The following STX3 variants were observed in gnomAD, a reference collection of about 807,000 sequenced individuals.
STX3 encodes the protein syntaxin-3.
STX3 carries 19 observed loss-of-function variants against 40.2 expected under a neutral mutation model. The observed-to-expected ratio is 0.47, with a 90% CI of 0.33 to 0.69. The LOEUF (loss-of-function observed/expected upper bound fraction) is 0.69, where lower values mean the gene tolerates loss of function less well. STX3 is among the 30% of genes least tolerant of loss of function. STX3 has a pLI of 0.02. For synonymous variants in STX3, 122 were observed against 132.2 expected, an observed-to-expected ratio of 0.92 and a Z score of 0.53; for missense variants, 364 against 366.7, an observed-to-expected ratio of 0.99 and a Z score of 0.06.
intron 2 of STX3, among the ~76,000 whole-genome samples, chr11:59,777,493 A>G (rs1166765606): frequency 2.0e-5 from 3 of 152,242 alleles, no homozygotes; most frequent in African/African-American, 7.2e-5. Context: ...CCTGAAATGG[A>G]AAGACCAGCA....
Position 59,797,374 on chromosome 11 carries a change from C to T in STX3, c.*8C>T, listed in dbSNP as rs1865588166. 4 of 1,613,900 alleles carry T rather than the reference C, an allele frequency of 2.5e-6. No homozygotes were observed. The highest frequency in any genetic ancestry group is 2.5e-6 in the Non-Finnish European group (3 of 1,179,962). On this transcript the variant is annotated 3_prime_UTR_variant, in exon 10 of 11. Coordinates refer to ENST00000337979, the MANE Select transcript of STX3 (RefSeq NM_004177.5). ...TCCGTTGGGCTGAATTAAGAGTGGC[C>T]TAAGAGGCTGCTGCACTGAAATGTA...
rs1373834324 is a variant in STX3 at position 59,805,008 on chromosome 11, C to T, written c.*4184C>T. ...ACTGACCAACATAGTGAAACCCCCT[C>T]TCTACAAAAAATACAAAAATTAGCC... On this transcript the variant is annotated 3_prime_UTR_variant, in exon 11 of 11. Coordinates refer to ENST00000337979, the MANE Select transcript of STX3 (RefSeq NM_004177.5). The T allele has an allele frequency of 6.6e-6, 1 of 152,070 alleles. No homozygotes were observed. The highest frequency in any genetic ancestry group is 1.5e-5 in the Non-Finnish European group (1 of 68,044). 9.4% of individuals were successfully genotyped at this position (152,070 alleles called of 1,614,324 possible). A position where few individuals can be genotyped will look rare whatever the true frequency, so the allele number is the denominator to read the frequency against.
At chr11:59,800,711 AC>A in intron 10 of STX3, 143 bp from the exon 11 acceptor site, 1 of 1,460,324 alleles carries the variant, frequency 6.8e-7, no homozygotes, top group South Asian at 1.4e-5. Context: ...GGGATATTTA[AC>A]TCCAAGTTCT....
At chr11:59,781,100 T>TTTTTTTTTTTTTTTTTTTTTTTATATA (rs963410109) in intron 2 of STX3, among the ~76,000 whole-genome samples, 2 of 146,308 alleles carry the variant, frequency 1.4e-5, no homozygotes, top group African/African-American at 5.2e-5. Flanking sequence ...TTTTTTTTTT[T>TTTTTTTTTTTTTTTTTTTTTTTATATA]TATATTAGCA....
intron 10 of STX3, chr11:59,800,602 C>T (rs1865833165): frequency 1.0e-6 from 1 of 985,296 alleles, no homozygotes; most frequent in Admixed American, 6.1e-5. Context: ...CCACGTCCTT[C>T]CATGGGTGTG....
chr11:59,786,541 C>T (rs1475675936), intron 2 of STX3, among the ~76,000 whole-genome samples: 2 of 151,964 alleles, frequency 1.3e-5, no homozygotes, highest in African/African-American at 4.8e-5. Flanking sequence ...TGAACCACCG[C>T]GCCTGGCCTA....
chr11:59,799,091 T>C (rs1865715191), intron 10 of STX3, among the ~76,000 whole-genome samples: 1 of 152,074 alleles, frequency 6.6e-6, no homozygotes, highest in Non-Finnish European at 1.5e-5. Flanking sequence ...AGTTTTGCCA[T>C]GTCACCCAGG....
intron 2 of STX3, among the ~76,000 whole-genome samples, chr11:59,785,367 G>A (rs1332711558): frequency 2.0e-5 from 3 of 151,714 alleles, no homozygotes; most frequent in Non-Finnish European, 4.4e-5. Context: ...GTCTCACTCC[G>A]TTGCTCAGGC....
intron 10 of STX3, chr11:59,799,999 G>A (rs778378631): frequency 4.4e-5 from 43 of 985,282 alleles, no homozygotes; most frequent in Non-Finnish European, 5.1e-5. Flanking sequence ...AATTTGTGGT[G>A]CCCCTTTCTA....
chr11:59,759,651 C>T (rs1043234119), intron 1 of STX3, among the ~76,000 whole-genome samples: 3 of 152,102 alleles, frequency 2.0e-5, no homozygotes, highest in African/African-American at 7.2e-5. Context: ...CCTTCAAAGA[C>T]CAGCACTAAT....
chr11:59,781,100 T>TTTTTTTTTTTTATATATA (rs963410109), intron 2 of STX3, among the ~76,000 whole-genome samples: 3 of 146,360 alleles, frequency 2.0e-5, no homozygotes, highest in African/African-American at 7.7e-5. Flanking sequence ...TTTTTTTTTT[T>TTTTTTTTTTTTATATATA]TATATTAGCA....
chr11:59,781,372 C>G lies in STX3; in HGVS notation c.115-5665C>G, dbSNP rs1381354071. On this transcript the variant is annotated intron_variant, in intron 2 of 10. Transcript: ENST00000337979. The stretch of plus-strand genomic sequence containing the variant: ...ACATTGTTCATGACACACTCCACCA[C>G]TAATTTCCCATCTTTCAATTTTCTT... 3 of 1,598,434 alleles carry G rather than the reference C, an allele frequency of 1.9e-6. No individual in the cohort carries two copies. The African/African-American group carries it at 4.0e-5, about 21-fold the overall frequency.
At chr11:59,789,004 C>G in intron 4 of STX3, 57 bp downstream of exon 4, 1 of 1,494,516 alleles carries the variant, frequency 6.7e-7, no homozygotes, top group Non-Finnish European at 9.1e-7. Flanking sequence ...CTCAGCTCCC[C>G]TAGGGTCCAG....
At chr11:59,773,355 A>G in intron 2 of STX3, 61 bp downstream of exon 2, 4 of 1,567,612 alleles carry the variant, frequency 2.6e-6, no homozygotes, top group Non-Finnish European at 3.5e-6. Context: ...TTCCTTAGTA[A>G]GAATAAAAAA....
chr11:59,754,914 T>C (rs512194), upstream of STX3: 23,727 of 152,182 alleles, frequency 0.16, 3,231 homozygotes, highest in African/African-American at 0.36. Context: ...GGACACCTCC[T>C]CCATCCCCCC....
chr11:59,779,903 C>G (rs1046467218), intron 2 of STX3, among the ~76,000 whole-genome samples: 10 of 152,080 alleles, frequency 6.6e-5, no homozygotes, highest in African/African-American at 2.2e-4. Flanking sequence ...CTTGGAAATC[C>G]ACACATTAAA....
intron 1 of STX3, among the ~76,000 whole-genome samples, chr11:59,771,060 A>C (rs920412302): frequency 6.6e-6 from 1 of 152,162 alleles, no homozygotes; most frequent in African/African-American, 2.4e-5. Context: ...CGACTCCCCC[A>C]AATCATGTGG....
chr11:59,778,288 G>A (rs1465336634), intron 2 of STX3, among the ~76,000 whole-genome samples: 1 of 152,118 alleles, frequency 6.6e-6, no homozygotes, highest in Admixed American at 6.5e-5. Flanking sequence ...TTAAGAAAGG[G>A]TGCAGCTAGA....
In STX3 at chr11:59,802,457, A is replaced by G. The variant is rs1394480209; in HGVS notation, c.*1633A>G. 5 of 985,732 alleles carry G rather than the reference A, an allele frequency of 5.1e-6. No individual in the cohort carries two copies. Among genetic ancestry groups the G allele is most frequent in the Non-Finnish European group, 6.0e-6 (5 of 829,950 alleles). 61.1% of individuals were successfully genotyped at this position (985,732 alleles called of 1,614,324 possible). ...CAAAGGCTACTTATGGCCGGTCACAATCCAGCACTCAGACAGAGCCAAGGC... is the reference window on the plus strand; with the variant it reads ...CAAAGGCTACTTATGGCCGGTCACAGTCCAGCACTCAGACAGAGCCAAGGC... On this transcript the variant is annotated 3_prime_UTR_variant, in exon 11 of 11. Coordinates refer to ENST00000337979, the MANE Select transcript of STX3 (RefSeq NM_004177.5).
Sources: allele counts gnomAD v4.1 joint callset (sites outside exome capture counted in the v4.1 genomes callset), GRCh38; gene constraint gnomAD v4.1.1; transcripts MANE v1.5; gene names NCBI Gene and HGNC (gene_info 2026-07-23, HGNC 2026-07-21).